MYO18B: variants seen among roughly 807,000 people sequenced by gnomAD.
MYO18B encodes the protein unconventional myosin-XVIIIb.
MYO18B carries 204 observed loss-of-function variants against 273.0 expected under a neutral mutation model. The ratio of observed to expected loss-of-function variants is 0.75; its 90% CI spans 0.67 to 0.84. The LOEUF (loss-of-function observed/expected upper bound fraction) is 0.84, where lower values mean the gene tolerates loss of function less well. Among genes scored for constraint, MYO18B ranks in the 40% least tolerant of loss-of-function variants. The pLI is 0.00. For synonymous variants in MYO18B, 1,330 were observed against 1,305.7 expected, an observed-to-expected ratio of 1.02 and a Z score of -0.40; for missense variants, 3,212 against 3,287.6, an observed-to-expected ratio of 0.98 and a Z score of 0.56.
At chr22:25,759,294 A>G (rs1174763651) in intron 1 of MYO18B, among the ~76,000 whole-genome samples, 1 of 152,224 alleles carries the variant, frequency 6.6e-6, no homozygotes, top group Non-Finnish European at 1.5e-5. Flanking sequence ...AATGTCCATC[A>G]GTGATAGACT....
chr22:25,800,336 C>T (rs1485113970), intron 12 of MYO18B, among the ~76,000 whole-genome samples: 7 of 152,230 alleles, frequency 4.6e-5, no homozygotes, highest in Admixed American at 3.9e-4. Flanking sequence ...GAAAAAAAAT[C>T]AGCCGTGGGC....
chr22:25,963,552 A>T (rs188268172), intron 39 of MYO18B, among the ~76,000 whole-genome samples: 114 of 144,788 alleles, frequency 7.9e-4, no homozygotes, highest in Admixed American at 1.8e-3. Flanking sequence ...ATCTAGTATG[A>T]CCTCAGCTTA....
intron 21 of MYO18B, among the ~76,000 whole-genome samples, chr22:25,858,449 C>T (rs1236733602): frequency 6.6e-6 from 1 of 152,170 alleles, no homozygotes; most frequent in Non-Finnish European, 1.5e-5. Flanking sequence ...TCAAACTGTT[C>T]ATTGAGGAGT....
chr22:25,801,351 A>G (rs1420485207), intron 12 of MYO18B, among the ~76,000 whole-genome samples: 1 of 152,158 alleles, frequency 6.6e-6, no homozygotes, highest in African/African-American at 2.4e-5. Flanking sequence ...AAGCACTTAT[A>G]CCTCTATTAT....
At chr22:25,894,172 A>G (rs1449551780) in intron 27 of MYO18B, among the ~76,000 whole-genome samples, 2 of 152,208 alleles carry the variant, frequency 1.3e-5, no homozygotes, top group Non-Finnish European at 2.9e-5. Context: ...AAGCTTCTTT[A>G]TGAAAGCCCT....
At chr22:25,900,328 G>A (rs1440906051) in intron 29 of MYO18B, 1 of 152,206 alleles carries the variant, frequency 6.6e-6, no homozygotes, top group Non-Finnish European at 1.5e-5. Flanking sequence ...CAGGCAGAAT[G>A]ACTATGGTGA....
chr22:25,913,554 G>A (rs2092202390), intron 33 of MYO18B, among the ~76,000 whole-genome samples: 1 of 152,134 alleles, frequency 6.6e-6, no homozygotes, highest in African/African-American at 2.4e-5. Flanking sequence ...ATTTTTAGTA[G>A]AGACACAGTT....
chr22:25,850,739 T>G (rs1476390297), intron 20 of MYO18B, among the ~76,000 whole-genome samples: 2 of 151,998 alleles, frequency 1.3e-5, no homozygotes, highest in Non-Finnish European at 2.9e-5. Context: ...GACTGGCAAA[T>G]TTTTGTATTT....
intron 2 of MYO18B, among the ~76,000 whole-genome samples, chr22:25,761,597 C>T (rs546259849): frequency 1.9e-4 from 29 of 152,150 alleles, no homozygotes; most frequent in Non-Finnish European, 3.7e-4. Context: ...CCCAGATATT[C>T]CTTTCTCCCC....
At chr22:25,997,955 ACAAAC>A (rs1933479810) in intron 40 of MYO18B, among the ~76,000 whole-genome samples, 4 of 141,188 alleles carry the variant, frequency 2.8e-5, no homozygotes, top group South Asian at 2.2e-4. Context: ...ACACACACAC[ACAAAC>A]ACACACACAC....
rs544841191 is a variant in MYO18B at position 25,787,816 on chromosome 22, G to A, written c.2376+2325G>A. ...CCTTTACCCCGTGATCTGGGGTCATGAGGAGCCCAGACCTCCACCTTGAAG... is the reference window on the plus strand; with the variant it reads ...CCTTTACCCCGTGATCTGGGGTCATAAGGAGCCCAGACCTCCACCTTGAAG... On this transcript the variant is annotated intron_variant, in intron 11 of 43. Coordinates refer to ENST00000335473, the MANE Select transcript of MYO18B (RefSeq NM_032608.7). 3.3e-5 allele frequency among the ~76,000 whole-genome samples: 5 copies of A among 152,252 alleles called. No homozygotes were observed. The East Asian group carries it at 7.7e-4, about 23-fold the overall frequency.
At chr22:25,926,343 G>A (rs1408165054) in intron 34 of MYO18B, among the ~76,000 whole-genome samples, 3 of 151,794 alleles carry the variant, frequency 2.0e-5, no homozygotes, top group African/African-American at 7.3e-5. Flanking sequence ...GAGTGTAGTG[G>A]CCCTATCTCT....
chr22:25,986,016 A>G (rs1211023793), intron 39 of MYO18B, among the ~76,000 whole-genome samples: 1 of 152,248 alleles, frequency 6.6e-6, no homozygotes, highest in Non-Finnish European at 1.5e-5. Flanking sequence ...AATTTGAAGG[A>G]AGCAATGGCA....
intron 42 of MYO18B, among the ~76,000 whole-genome samples, chr22:26,013,397 T>G (rs1311743855): frequency 6.6e-6 from 1 of 152,210 alleles, no homozygotes; most frequent in Non-Finnish European, 1.5e-5. Flanking sequence ...CAGTCAATAA[T>G]ATGCCATTGT....
At chr22:25,971,168 G>A (rs1348123380) in intron 39 of MYO18B, among the ~76,000 whole-genome samples, 2 of 152,242 alleles carry the variant, frequency 1.3e-5, no homozygotes, top group East Asian at 3.8e-4. Context: ...GATGAGCGTG[G>A]TTATGTTCCA....
chr22:25,757,816 G>A (rs1046087421), intron 1 of MYO18B, among the ~76,000 whole-genome samples: 1 of 152,140 alleles, frequency 6.6e-6, no homozygotes, highest in Admixed American at 6.5e-5. Context: ...ATTTTCTACA[G>A]GAAGTGTTTT....
At chr22:25,809,926 G>A (rs994989836) in intron 12 of MYO18B, among the ~76,000 whole-genome samples, 24 of 150,720 alleles carry the variant, frequency 1.6e-4, no homozygotes, top group African/African-American at 5.4e-4. Flanking sequence ...TTATTTTAAA[G>A]CAATCATATG....
At chr22:25,822,254 T>C (rs2089309777) in intron 12 of MYO18B, among the ~76,000 whole-genome samples, 1 of 152,230 alleles carries the variant, frequency 6.6e-6, no homozygotes, top group Non-Finnish European at 1.5e-5. Context: ...TGGTTCTTTA[T>C]GTAGTACCTC....
intron 34 of MYO18B, among the ~76,000 whole-genome samples, chr22:25,923,405 G>A (rs536647877): frequency 1.6e-4 from 24 of 152,338 alleles, no homozygotes; most frequent in African/African-American, 5.8e-4. Flanking sequence ...AGTATCACCT[G>A]TGCTTGAACG....
Sources: allele counts gnomAD v4.1 joint callset (sites outside exome capture counted in the v4.1 genomes callset), GRCh38; gene constraint gnomAD v4.1.1; transcripts MANE v1.5; gene names NCBI Gene and HGNC (gene_info 2026-07-23, HGNC 2026-07-21).